Variants in HOMER2 observed in about 807,000 individuals in gnomAD.
HOMER2 encodes homer protein homolog 2.
HOMER2 carries 27 observed loss-of-function variants against 47.0 expected under a neutral mutation model. That is an observed-to-expected ratio of 0.57 (90% CI 0.42 to 0.79). The LOEUF (loss-of-function observed/expected upper bound fraction) is 0.79, where lower values mean the gene tolerates loss of function less well. HOMER2 is among the 30% of genes least tolerant of loss of function. The pLI, the probability that HOMER2 is intolerant of heterozygous loss-of-function variation, is 0.00. For missense variants in HOMER2, 443 were observed against 435.0 expected (o/e 1.02, Z -0.16); for synonymous variants, 161 against 163.8 (o/e 0.98, Z 0.13).
chr15:82,957,279 C>CAA (rs35127526), upstream of HOMER2, among the ~76,000 whole-genome samples: 19 of 72,750 alleles, frequency 2.6e-4, no homozygotes, highest in East Asian at 3.0e-3. Context: ...GACTCCGTCT[C>CAA]AAAAAAAAAA....
At chr15:82,857,722 C>G (rs1038337824) in intron 5 of HOMER2, among the ~76,000 whole-genome samples, 2 of 152,072 alleles carry the variant, frequency 1.3e-5, no homozygotes, top group Non-Finnish European at 2.9e-5. Context: ...TGTGCCACCA[C>G]GCCCAGCCAA....
At chr15:82,902,441 C>G (rs1163868606) in intron 1 of HOMER2, among the ~76,000 whole-genome samples, 1 of 152,128 alleles carries the variant, frequency 6.6e-6, no homozygotes, top group Non-Finnish European at 1.5e-5. Context: ...TGTGATCCGC[C>G]CACCTCAGCC....
intron 1 of HOMER2, among the ~76,000 whole-genome samples, chr15:82,904,321 C>T (rs1484119197): frequency 6.6e-6 from 1 of 152,068 alleles, no homozygotes; most frequent in African/African-American, 2.4e-5. Context: ...GGCAGGAAAA[C>T]CTGAACTACA....
intron 7 of HOMER2, 142 bp downstream of exon 7, chr15:82,852,000 T>C (rs2151600968): frequency 4.8e-6 from 3 of 622,872 alleles, no homozygotes; most frequent in South Asian, 3.9e-5. Flanking sequence ...TGTCTGCACC[T>C]TGCTGTGGCT....
chr15:82,857,384 TAGCAGCCTGAGCTA>T (rs1239372137), intron 5 of HOMER2, among the ~76,000 whole-genome samples: 7 of 151,780 alleles, frequency 4.6e-5, no homozygotes. Flanking sequence ...TATTTTGTTA[TAGCAGCCTGAGCTA>T]AGACAGCTTC....
chr15:82,944,011 A>G (rs958100417), intron 1 of HOMER2, among the ~76,000 whole-genome samples: 3 of 152,258 alleles, frequency 2.0e-5, no homozygotes, highest in African/African-American at 7.2e-5. Flanking sequence ...CAGAGGAATA[A>G]TAATAAGACT....
intron 1 of HOMER2, among the ~76,000 whole-genome samples, chr15:82,944,797 C>T (rs1223332095): frequency 1.3e-5 from 2 of 151,610 alleles, no homozygotes; most frequent in Non-Finnish European, 2.9e-5. Context: ...ATATAATGTC[C>T]TTCCTTTTGT....
At chr15:82,979,676 G>A (rs1230398103) in intron 1 of HOMER2, among the ~76,000 whole-genome samples, 1 of 152,150 alleles carries the variant, frequency 6.6e-6, no homozygotes, top group Non-Finnish European at 1.5e-5. Flanking sequence ...AGGACTTAGG[G>A]AGACACTGAG....
At chr15:82,904,600 G>A (rs958278469) in intron 1 of HOMER2, among the ~76,000 whole-genome samples, 16 of 152,106 alleles carry the variant, frequency 1.1e-4, no homozygotes, top group African/African-American at 3.4e-4. Context: ...CCAATCAGCT[G>A]GGGTACTATC....
chr15:82,977,347 G>C (rs2030240766), intron 1 of HOMER2, among the ~76,000 whole-genome samples: 1 of 152,122 alleles, frequency 6.6e-6, no homozygotes, highest in South Asian at 2.1e-4. Flanking sequence ...GGACTACTTG[G>C]ATATACAGTT....
chr15:82,935,534 T>C (rs1039126235), intron 1 of HOMER2, among the ~76,000 whole-genome samples: 2 of 152,006 alleles, frequency 1.3e-5, no homozygotes, highest in Non-Finnish European at 2.9e-5. Context: ...CACAGATTCA[T>C]ACAATTACCT....
chr15:82,880,672 T>C (rs180832706), intron 2 of HOMER2, among the ~76,000 whole-genome samples: 10 of 152,128 alleles, frequency 6.6e-5, no homozygotes, highest in African/African-American at 2.4e-4. Flanking sequence ...CACTGGAAGA[T>C]TGTGTTAGGG....
chr15:82,960,510 A>T (rs929106706), intron 1 of HOMER2, among the ~76,000 whole-genome samples: 1 of 152,202 alleles, frequency 6.6e-6, no homozygotes, highest in Admixed American at 6.5e-5. Flanking sequence ...TCTAATGTGG[A>T]TCAATTCCCC....
exon 2 of HOMER2, chr15:82,839,455 A>C (rs1025691141): frequency 6.6e-6 from 1 of 152,270 alleles, no homozygotes; most frequent in Non-Finnish European, 1.5e-5. Flanking sequence ...AAGAACTTCC[A>C]AAGTATCTTG....
intron 1 of HOMER2, among the ~76,000 whole-genome samples, chr15:82,917,650 T>C (rs770850011): frequency 2.9e-4 from 44 of 152,176 alleles, no homozygotes; most frequent in Non-Finnish European, 5.1e-4. Flanking sequence ...AGGGAAGTCT[T>C]CAAGGAAGGA....
At chr15:82,952,448 G>T in intron 1 of HOMER2, 83 bp downstream of exon 1, 3 of 1,002,156 alleles carry the variant, frequency 3.0e-6, no homozygotes, top group Non-Finnish European at 3.8e-6. Context: ...CCGCCGGGAG[G>T]CTCCGAGCCC....
intron 1 of HOMER2, among the ~76,000 whole-genome samples, chr15:82,929,626 C>G (rs992220976): frequency 7.0e-6 from 1 of 143,376 alleles, no homozygotes; most frequent in African/African-American, 2.7e-5. Flanking sequence ...ACTGCACACT[C>G]CAGCCTGGGT....
intron 3 of HOMER2, among the ~76,000 whole-genome samples, chr15:82,872,140 C>T (rs1462388142): frequency 6.6e-6 from 1 of 152,144 alleles, no homozygotes; most frequent in Admixed American, 6.5e-5. Context: ...CCCAACACAC[C>T]CTTCCTCACC....
At position 82,893,585 on chromosome 15, in the gene HOMER2, G is replaced by A. The variant is rs147568837; in HGVS notation, c.6-744C>T. ...TGACCTTGTGATCCGCCTGCCTCGG[G>A]CTCCCAAAGTGCTAGGATTATAGGC... On this transcript the variant is annotated intron_variant, in intron 1 of 8. Coordinates refer to ENST00000450735, the MANE Select transcript of HOMER2 (RefSeq NM_004839.4). Among the ~76,000 whole-genome samples the A allele has an allele frequency of 5.7e-3, 852 of 150,034 alleles. 22 individuals carry two copies. Among genetic ancestry groups the A allele is most frequent in the Admixed American group, 0.051 (770 of 15,096 alleles).
Sources: gnomAD v4.1 joint callset for allele counts (sites outside exome capture counted in the v4.1 genomes callset) on GRCh38, gnomAD v4.1.1 for gene constraint, MANE v1.5 for transcripts, NCBI Gene and HGNC (gene_info 2026-07-23, HGNC 2026-07-21) for gene names.